Variants in SEC14L5 observed in about 807,000 individuals in gnomAD.
The protein encoded by SEC14L5 is SEC14 like lipid binding 5.
In SEC14L5, 96 loss-of-function variants were observed where a neutral mutation model predicts 84.6. That is an observed-to-expected ratio of 1.13 (90% CI 0.96 to 1.34). The LOEUF (loss-of-function observed/expected upper bound fraction) is 1.34. Among genes scored for constraint, SEC14L5 ranks in the 40% most tolerant of loss-of-function variants. The pLI, the probability that SEC14L5 is intolerant of heterozygous loss-of-function variation, is 0.00. For missense variants in SEC14L5, 1,224 were observed against 942.5 expected, an observed-to-expected ratio of 1.30 and a Z score of -3.91; for synonymous variants, 546 against 383.4, an observed-to-expected ratio of 1.42 and a Z score of -4.95.
intron 2 of SEC14L5, among the ~76,000 whole-genome samples, chr16:4,986,170 G>A (rs983527468): frequency 2.7e-5 from 4 of 148,998 alleles, no homozygotes; most frequent in Non-Finnish European, 5.9e-5. Context: ...ACAGAGTTTC[G>A]CTCTTGTCGC....
chr16:5,008,703 G>C, intron 14 of SEC14L5, 55 bp downstream of exon 14: 1 of 1,459,804 alleles, frequency 6.9e-7, no homozygotes, highest in Non-Finnish European at 9.5e-7. Flanking sequence ...AGTGTCCACT[G>C]CGTGCCAGGC....
At chr16:5,007,304 C>G (rs201744590) in intron 12 of SEC14L5, 48 bp from the exon 13 acceptor site, 23 of 1,590,510 alleles carry the variant, frequency 1.4e-5, no homozygotes, top group Non-Finnish European at 2.0e-5. Context: ...TCAGGCCAGC[C>G]AGGCCTCAAC....
In SEC14L5 at chr16:4,988,131, C is replaced by A; in HGVS notation, c.214-18C>A. The A allele has an allele frequency of 6.2e-7, 1 of 1,613,298 alleles. No individual in the cohort carries two copies. Among genetic ancestry groups the A allele is most frequent in the South Asian group, 1.1e-5 (1 of 91,002 alleles). On this transcript the variant is annotated intron_variant, in intron 3 of 15. Coordinates refer to ENST00000251170, the MANE Select transcript of SEC14L5 (RefSeq NM_014692.2). ...ACGCCGCCCACCCACCTCCGCCTCC[C>A]CGCCCCTTCCCTTGCAGATCGCAGG...
chr16:4,958,666 G>A (rs1287414287), intron 1 of SEC14L5, among the ~76,000 whole-genome samples: 1 of 152,230 alleles, frequency 6.6e-6, no homozygotes, highest in Non-Finnish European at 1.5e-5. Context: ...GCACGTCTGT[G>A]CACACCAGGG....
In SEC14L5 at chr16:5,017,088, C is replaced by T. The variant is rs1955882989; in HGVS notation, c.*2118C>T. 2 of 151,492 alleles carry T rather than the reference C, an allele frequency of 1.3e-5. No individual in the cohort carries two copies. Among genetic ancestry groups the T allele is most frequent in the Admixed American group, 6.6e-5 (1 of 15,132 alleles). The allele number at this position is 151,492 out of a possible 1,614,324, so 9.4% of individuals were successfully genotyped here. A position where few individuals can be genotyped will look rare whatever the true frequency, so the allele number is the denominator to read the frequency against. On this transcript the variant is annotated 3_prime_UTR_variant, in exon 16 of 16. Transcript: ENST00000251170. ...CCTACAAGTATGCTGGGATAAGCTG[C>T]CCTGGCAGTCTTTATACATTTATTG...
intron 5 of SEC14L5, among the ~76,000 whole-genome samples, chr16:4,991,563 C>T (rs1387691058): frequency 6.6e-6 from 1 of 151,826 alleles, no homozygotes; most frequent in East Asian, 1.9e-4. Flanking sequence ...AAGACACTGT[C>T]TCAAAAAAAA....
In SEC14L5 at chr16:4,987,721, G is replaced by C. The variant is rs1955507335; in HGVS notation, c.213+15G>C. 22 of 1,485,686 alleles carry C rather than the reference G, an allele frequency of 1.5e-5. No homozygotes were observed. The highest frequency in any genetic ancestry group is 2.0e-5 in the Non-Finnish European group (22 of 1,125,838). The allele number at this position is 1,485,686 out of a possible 1,614,324, so 92.0% of individuals were successfully genotyped here. ...TGCTGCGGAAGGTGGGCGGCCCTGGGGCTGGGGGGCGGAGGAGGGGACCTG... is the reference window on the plus strand; with the variant it reads ...TGCTGCGGAAGGTGGGCGGCCCTGGCGCTGGGGGGCGGAGGAGGGGACCTG... On this transcript the variant is annotated intron_variant, in intron 3 of 15. Transcript: ENST00000251170.
chr16:4,978,185 C>T (rs1271876690), intron 2 of SEC14L5, among the ~76,000 whole-genome samples: 3 of 34,308 alleles, frequency 8.7e-5, no homozygotes, highest in African/African-American at 2.5e-4. Context: ...GAGGGCGAGA[C>T]GGGCGGATCA....
chr16:4,999,082 T>C (rs1955647508), intron 8 of SEC14L5, among the ~76,000 whole-genome samples: 1 of 152,226 alleles, frequency 6.6e-6, no homozygotes, highest in African/African-American at 2.4e-5. Context: ...GCCTATTTAA[T>C]GCCACATTGT....
At position 5,015,280 on chromosome 16, in the gene SEC14L5, A is replaced by G; in HGVS notation, c.*310A>G. The G allele has an allele frequency of 6.0e-6, 2 of 335,426 alleles. No homozygotes were observed. The highest frequency in any genetic ancestry group is 1.1e-5 in the Non-Finnish European group (2 of 182,258). 20.8% of individuals were successfully genotyped at this position (335,426 alleles called of 1,614,324 possible). On this transcript the variant is annotated 3_prime_UTR_variant, in exon 16 of 16. Transcript: ENST00000251170. The stretch of plus-strand genomic sequence containing the variant: ...GGGCTTAGCGACGTCAGCCAGGCCC[A>G]TCTCCTCTCTGTCCACCTCTTGCTC...
chr16:5,007,688 C>G (rs1955747857), intron 13 of SEC14L5, among the ~76,000 whole-genome samples: 1 of 148,914 alleles, frequency 6.7e-6, no homozygotes, highest in Admixed American at 6.7e-5. Context: ...TCACTGCAAC[C>G]TCCACCTCCC....
chr16:4,982,536 C>T (rs1235673816), intron 2 of SEC14L5, among the ~76,000 whole-genome samples: 1 of 152,134 alleles, frequency 6.6e-6, no homozygotes, highest in Non-Finnish European at 1.5e-5. Flanking sequence ...CCTCCGCCCG[C>T]ACAGAAGCAA....
At chr16:4,959,164 G>A (rs2142463950) in intron 1 of SEC14L5, 109 bp from the exon 2 acceptor site, 1 of 632,548 alleles carries the variant, frequency 1.6e-6, no homozygotes, top group Non-Finnish European at 2.9e-6. Context: ...CAATTTGAAG[G>A]CTGGGGAGCT....
intron 2 of SEC14L5, among the ~76,000 whole-genome samples, chr16:4,962,440 C>T (rs1336030473): frequency 5.3e-5 from 8 of 152,050 alleles, no homozygotes; most frequent in Non-Finnish European, 1.2e-4. Flanking sequence ...GTAATCCCAA[C>T]ACTTTGGGAG....
chr16:4,983,624 C>A (rs1955452363), intron 2 of SEC14L5, among the ~76,000 whole-genome samples: 1 of 151,312 alleles, frequency 6.6e-6, no homozygotes, highest in African/African-American at 2.4e-5. Flanking sequence ...CGCTTGTAAT[C>A]CCAGCACTTT....
chr16:4,999,494 C>T (rs907225589), intron 8 of SEC14L5, among the ~76,000 whole-genome samples: 1 of 151,962 alleles, frequency 6.6e-6, no homozygotes, highest in Non-Finnish European at 1.5e-5. Context: ...GTGCTGCATG[C>T]CTGTGGTCCC....
Position 5,016,203 on chromosome 16 carries a change from A to G in SEC14L5, c.*1233A>G, listed in dbSNP as rs1428926478. The G allele has an allele frequency of 1.3e-5, 2 of 152,148 alleles. No homozygotes were observed. Among genetic ancestry groups the G allele is most frequent in the African/African-American group, 2.4e-5 (1 of 41,430 alleles). 9.4% of individuals were successfully genotyped at this position (152,148 alleles called of 1,614,324 possible). On this transcript the variant is annotated 3_prime_UTR_variant, in exon 16 of 16. Coordinates refer to ENST00000251170, the MANE Select transcript of SEC14L5 (RefSeq NM_014692.2). ...AGATATGACTCTGGAACTAGGTTCAATATTGACATGAGTTCCCCTAGTTAC... is the reference window on the plus strand; with the variant it reads ...AGATATGACTCTGGAACTAGGTTCAGTATTGACATGAGTTCCCCTAGTTAC...
intron 4 of SEC14L5, 80 bp downstream of exon 4, chr16:4,988,360 C>T (rs762299695): frequency 3.3e-6 from 5 of 1,532,894 alleles, no homozygotes; most frequent in Non-Finnish European, 4.4e-6. Context: ...GCTGTGTCCC[C>T]ACATTCCTTG....
chr16:4,996,488 T>C (rs1207501907), intron 7 of SEC14L5, 28 bp downstream of exon 7: 1 of 1,254,532 alleles, frequency 8.0e-7, no homozygotes, highest in Non-Finnish European at 1.1e-6. Flanking sequence ...CCTGGAGCAG[T>C]GGATGAATGG....
Sources: allele counts gnomAD v4.1 joint callset (sites outside exome capture counted in the v4.1 genomes callset), GRCh38; gene constraint gnomAD v4.1.1; transcripts MANE v1.5; gene names NCBI Gene and HGNC (gene_info 2026-07-23, HGNC 2026-07-21).